GRIK4: variants seen among roughly 807,000 people sequenced by gnomAD.
The protein encoded by GRIK4 is glutamate ionotropic receptor kainate type subunit 4, also known as glutamate receptor ionotropic, kainate 4.
A neutral mutation model predicts 104.9 loss-of-function variants in GRIK4; 40 were observed. That is an observed-to-expected ratio of 0.38 (90% CI 0.30 to 0.50). GRIK4 has a LOEUF of 0.50. Ranked by LOEUF, GRIK4 falls within the 20% of genes least tolerant of loss-of-function variation. The probability of loss-of-function intolerance (pLI) is 0.93; values close to 1 mark genes in which losing one functional copy is unlikely to be tolerated. For synonymous variants in GRIK4, 485 were observed against 524.9 expected (o/e 0.92, Z 1.04); for missense variants, 1,047 against 1,308.1 (o/e 0.80, Z 3.08).
At chr11:120,897,799 C>A (rs1341450528) in intron 11 of GRIK4, among the ~76,000 whole-genome samples, 3 of 151,664 alleles carry the variant, frequency 2.0e-5, no homozygotes, top group Non-Finnish European at 2.9e-5. Context: ...ATTATTATCC[C>A]CATTTTTTAG....
chr11:120,536,663 T>C (rs1387031125), intron 1 of GRIK4, among the ~76,000 whole-genome samples: 1 of 152,048 alleles, frequency 6.6e-6, no homozygotes, highest in African/African-American at 2.4e-5. Context: ...TATTGATGGC[T>C]CAGGTGAGGA....
intron 6 of GRIK4, among the ~76,000 whole-genome samples, chr11:120,827,536 C>A (rs960881639): frequency 2.0e-5 from 3 of 152,180 alleles, no homozygotes; most frequent in Non-Finnish European, 4.4e-5. Flanking sequence ...AGCTTTTAAC[C>A]CCTGTGATGG....
At chr11:120,639,474 C>G (rs1283268809) in intron 1 of GRIK4, among the ~76,000 whole-genome samples, 1 of 152,180 alleles carries the variant, frequency 6.6e-6, no homozygotes, top group Non-Finnish European at 1.5e-5. Context: ...TTTCCTTCCT[C>G]TAATCTCCTG....
chr11:120,795,204 A>C (rs60319624), intron 3 of GRIK4, among the ~76,000 whole-genome samples: 4 of 152,200 alleles, frequency 2.6e-5, no homozygotes, highest in East Asian at 3.8e-4. Context: ...ACCGAAGTGC[A>C]TGGAAATCTT....
intron 1 of GRIK4, among the ~76,000 whole-genome samples, chr11:120,628,081 C>T (rs928441665): frequency 4.6e-5 from 7 of 152,170 alleles, no homozygotes; most frequent in Admixed American, 6.5e-5. Context: ...GGAGAGGAGG[C>T]AGCCTGTGCC....
At chr11:120,864,491 C>T (rs370196026) in intron 9 of GRIK4, among the ~76,000 whole-genome samples, 25 of 152,214 alleles carry the variant, frequency 1.6e-4, no homozygotes, top group East Asian at 1.5e-3. Flanking sequence ...CCGCCCGCCT[C>T]GGCCTCCCAA....
chr11:120,955,023 C>T (rs566367176), intron 15 of GRIK4, among the ~76,000 whole-genome samples: 1 of 152,206 alleles, frequency 6.6e-6, no homozygotes, highest in Admixed American at 6.5e-5. Context: ...ATATATTGTA[C>T]TTCGGGTAAG....
At chr11:120,714,242 T>C (rs1950788262) in intron 3 of GRIK4, among the ~76,000 whole-genome samples, 1 of 152,226 alleles carries the variant, frequency 6.6e-6, no homozygotes, top group South Asian at 2.1e-4. Context: ...TGGAGGCTCA[T>C]TGTGACTTAC....
intron 3 of GRIK4, among the ~76,000 whole-genome samples, chr11:120,669,674 C>T (rs1418207266): frequency 6.6e-6 from 1 of 152,234 alleles, no homozygotes; most frequent in Non-Finnish European, 1.5e-5. Flanking sequence ...CACTTGGCTT[C>T]TAGACCACGC....
chr11:120,534,507 G>A (rs148302388), intron 1 of GRIK4, among the ~76,000 whole-genome samples: 4 of 152,108 alleles, frequency 2.6e-5, no homozygotes, highest in Non-Finnish European at 4.4e-5. Flanking sequence ...GCTGAGAACC[G>A]TGCACGCTGG....
chr11:120,598,411 G>A (rs183895577), intron 1 of GRIK4, among the ~76,000 whole-genome samples: 4 of 152,168 alleles, frequency 2.6e-5, no homozygotes, highest in African/African-American at 9.7e-5. Context: ...TTTCTCCATC[G>A]GCTCCAGGGA....
intron 19 of GRIK4, among the ~76,000 whole-genome samples, chr11:120,969,694 G>C (rs1224738398): frequency 6.6e-6 from 1 of 152,208 alleles, no homozygotes; most frequent in Non-Finnish European, 1.5e-5. Flanking sequence ...TGGCAGGAAA[G>C]AGCGCCGTCT....
At chr11:120,801,254 C>G (rs1952615345) in intron 3 of GRIK4, among the ~76,000 whole-genome samples, 1 of 152,156 alleles carries the variant, frequency 6.6e-6, no homozygotes, top group Non-Finnish European at 1.5e-5. Flanking sequence ...CAGATGGAGT[C>G]TCGCTCTGTC....
At chr11:120,678,451 T>G (rs900824023) in intron 3 of GRIK4, among the ~76,000 whole-genome samples, 1 of 152,152 alleles carries the variant, frequency 6.6e-6, no homozygotes, top group East Asian at 1.9e-4. Flanking sequence ...CAGTGATCTT[T>G]GATTACTTAT....
chr11:120,820,014 G>A, intron 6 of GRIK4, 94 bp downstream of exon 6: 3 of 1,228,782 alleles, frequency 2.4e-6, no homozygotes, highest in Non-Finnish European at 2.3e-6. Context: ...CCTCCAGGAA[G>A]GGGAGGCTTC....
chr11:120,731,192 C>G (rs984494918), intron 3 of GRIK4, among the ~76,000 whole-genome samples: 15 of 151,258 alleles, frequency 9.9e-5, no homozygotes, highest in African/African-American at 3.6e-4. Flanking sequence ...ATGATACTAG[C>G]TGTGGGTCTG....
intron 1 of GRIK4, among the ~76,000 whole-genome samples, chr11:120,552,253 A>G (rs1343451186): frequency 6.6e-6 from 1 of 152,126 alleles, no homozygotes; most frequent in East Asian, 1.9e-4. Context: ...GTTGAATTGG[A>G]GGATACCCCA....
chr11:120,578,169 C>T (rs1343337639), intron 1 of GRIK4, among the ~76,000 whole-genome samples: 1 of 152,154 alleles, frequency 6.6e-6, no homozygotes, highest in East Asian at 1.9e-4. Context: ...AGTAGAAGGG[C>T]ACCTGTTGCC....
At chr11:120,706,198 G>C (rs1591821010) in intron 3 of GRIK4, among the ~76,000 whole-genome samples, 1 of 152,300 alleles carries the variant, frequency 6.6e-6, no homozygotes, top group East Asian at 1.9e-4. Flanking sequence ...CTCCTAGGAA[G>C]GGGCTGTGGG....
Sources: allele counts gnomAD v4.1 joint callset (sites outside exome capture counted in the v4.1 genomes callset), GRCh38; gene constraint gnomAD v4.1.1; transcripts MANE v1.5; gene names NCBI Gene and HGNC (gene_info 2026-07-23, HGNC 2026-07-21).